TNC: variants seen among roughly 807,000 people sequenced by gnomAD.
The protein encoded by TNC is tenascin C.
TNC carries 109 observed loss-of-function variants against 202.4 expected under a neutral mutation model. The observed-to-expected ratio is 0.54, with a 90% CI of 0.46 to 0.63. The LOEUF is 0.63. Among genes scored for constraint, TNC ranks in the 30% least tolerant of loss-of-function variants. The pLI is 0.00. For synonymous variants in TNC, 1,007 were observed against 1,089.7 expected (o/e 0.92, Z 1.50); for missense variants, 2,756 against 2,833.3 (o/e 0.97, Z 0.62).
At chr9:115,039,400 T>C (rs1279246698) in intron 19 of TNC, among the ~76,000 whole-genome samples, 1 of 152,178 alleles carries the variant, frequency 6.6e-6, no homozygotes, top group Non-Finnish European at 1.5e-5. Context: ...GTTATTAAGA[T>C]CTCTATTAAA....
chr9:115,048,933 C>CT lies in TNC; in HGVS notation c.4580-402dup, dbSNP rs80025706. 1.3e-3 allele frequency among the ~76,000 whole-genome samples: 185 copies of CT among 137,956 alleles called. 1 individual carries two copies. Among genetic ancestry groups the CT allele is most frequent in the Middle Eastern group, 7.9e-3 (2 of 254 alleles). 90.5% of individuals were successfully genotyped at this position (137,956 alleles called of 152,430 possible). ...TGTCTACTTCCCACTGCCTTCAGCT[C>CT]TTTTTTTTTTTTTCGAGTATAATTT... On this transcript the variant is annotated intron_variant, in intron 15 of 27. Transcript: ENST00000350763.
chr9:115,046,404 C>T lies in TNC; in HGVS notation c.5125+6G>A, dbSNP rs146222334. 6.2e-7 allele frequency: 1 copy of T among 1,613,506 alleles called. No homozygotes were observed. Among genetic ancestry groups the T allele is most frequent in the African/African-American group, 1.3e-5 (1 of 74,962 alleles). On this transcript the variant is annotated splice_donor_region_variant and intron_variant, in intron 17 of 27. Coordinates refer to ENST00000350763, the MANE Select transcript of TNC (RefSeq NM_002160.4). ...TTCTCTGTTCTCTCCTGTTTATTTA[C>T]AGTACCTGTTGTTGCTATAGCACTG...
intron 1 of TNC, among the ~76,000 whole-genome samples, chr9:115,113,367 A>T (rs1837223978): frequency 6.6e-6 from 1 of 152,206 alleles, no homozygotes; most frequent in Non-Finnish European, 1.5e-5. Context: ...TCAGCCTTAC[A>T]TTGTGCATAT....
intron 18 of TNC, 92 bp downstream of exon 18, chr9:115,042,127 A>G (rs766879674): frequency 5.1e-5 from 76 of 1,503,454 alleles, no homozygotes; most frequent in Non-Finnish European, 6.5e-5. Context: ...TTTGATCATG[A>G]TGTTAGAGGA....
At chr9:115,070,246 G>C (rs1833363565) in intron 10 of TNC, among the ~76,000 whole-genome samples, 1 of 152,234 alleles carries the variant, frequency 6.6e-6, no homozygotes, top group African/African-American at 2.4e-5. Context: ...CTGGTAGTCA[G>C]AGAAGCCCTC....
chr9:115,030,538 A>C (rs1251479444), intron 23 of TNC, 133 bp from the exon 24 acceptor site: 2 of 1,062,802 alleles, frequency 1.9e-6, no homozygotes, highest in African/African-American at 3.2e-5. Context: ...AACAATTAAA[A>C]ACTCATAGAA....
Position 115,057,331 on chromosome 9 carries a change from G to C in TNC, c.4401C>G (p.Thr1467=). 1 of 1,614,166 alleles carries C rather than the reference G, an allele frequency of 6.2e-7. No homozygotes were observed. The highest frequency in any genetic ancestry group is 8.5e-7 in the Non-Finnish European group (1 of 1,180,028). ...SWMATDGIFE[T]FTIEIIDSNR... Reference sequence around the variant, plus strand: ...TGGAATCAATAATTTCAATGGTAAAGGTCTCGAAGATCCCATCGGTAGCCA... The same window carrying C: ...TGGAATCAATAATTTCAATGGTAAACGTCTCGAAGATCCCATCGGTAGCCA... The change falls in exon 15 of 28, where the codon ACC becomes ACG. Residue 1467 remains threonine, a synonymous_variant. Coordinates refer to ENST00000350763, the MANE Select transcript of TNC (RefSeq NM_002160.4).
intron 25 of TNC, among the ~76,000 whole-genome samples, chr9:115,028,211 C>T (rs1829660969): frequency 6.6e-6 from 1 of 152,166 alleles, no homozygotes; most frequent in South Asian, 2.1e-4. Context: ...ATAAATACCC[C>T]TAAGGAAAAA....
In TNC at chr9:115,028,924, G is replaced by GAAAAAAAAAAA. The variant is rs57737243; in HGVS notation, c.6169+425_6169+435dup. On this transcript the variant is annotated intron_variant, in intron 25 of 27. Coordinates refer to ENST00000350763, the MANE Select transcript of TNC (RefSeq NM_002160.4). ...TACTAAAGCTCTCAACATTATCTCT[G>GAAAAAAAAAAA]AAAAAAAAAAAAAAAAAAAAAAAAA... Among the ~76,000 whole-genome samples, 31 of 63,962 alleles carry GAAAAAAAAAAA rather than the reference G, an allele frequency of 4.8e-4. 4 individuals carry two copies. Among genetic ancestry groups the GAAAAAAAAAAA allele is most frequent in the Middle Eastern group, 0.015 (1 of 66 alleles). The allele number at this position is 63,962 out of a possible 152,430, so 42.0% of individuals were successfully genotyped here.
chr9:115,095,765 T>G (rs1040760476), intron 1 of TNC, among the ~76,000 whole-genome samples: 2 of 147,900 alleles, frequency 1.4e-5, no homozygotes, highest in Admixed American at 1.4e-4. Flanking sequence ...TATAATATTA[T>G]AATATGTGAT....
intron 20 of TNC, 84 bp downstream of exon 20, chr9:115,038,177 G>A (rs1431593512): frequency 2.6e-6 from 4 of 1,530,598 alleles, no homozygotes; most frequent in African/African-American, 2.7e-5. Flanking sequence ...TGTACCAAAT[G>A]TGGCAGGGAG....
intron 11 of TNC, 59 bp downstream of exon 11, chr9:115,064,588 T>C (rs1832797527): frequency 6.5e-7 from 1 of 1,538,878 alleles, no homozygotes; most frequent in African/African-American, 1.4e-5. Flanking sequence ...TGTCTGATTA[T>C]TCATGGGCAG....
chr9:115,063,090 G>A lies in TNC; in HGVS notation c.3860C>T (p.Thr1287Ile), dbSNP rs758473534. 4 of 1,614,170 alleles carry A rather than the reference G, an allele frequency of 2.5e-6. No homozygotes were observed. The South Asian group carries it at 3.3e-5, about 13-fold the overall frequency. The change falls in exon 13 of 28, where the codon ACT (threonine) becomes ATT (isoleucine). Residue 1287 changes from threonine to isoleucine, a missense_variant. Thr to Ile is a moderately conservative substitution (Grantham distance 89). Coordinates refer to ENST00000350763, the MANE Select transcript of TNC (RefSeq NM_002160.4). ...TTPDGTYDQF[T>I]IQVQEADQVE... is the part of the protein sequence containing the mutation. ...CTGGTCAGCCTCCTGGACCTGAATAGTAAACTGGTCATAGGTTCCATCTGG... is the reference window on the plus strand; with the variant it reads ...CTGGTCAGCCTCCTGGACCTGAATAATAAACTGGTCATAGGTTCCATCTGG...
At chr9:115,066,597 C>A (rs1460647411) in intron 10 of TNC, among the ~76,000 whole-genome samples, 2 of 152,196 alleles carry the variant, frequency 1.3e-5, no homozygotes, top group African/African-American at 2.4e-5. Flanking sequence ...TACACTCCTT[C>A]AAATTTTGTT....
chr9:115,102,731 G>C (rs888252508), intron 1 of TNC, among the ~76,000 whole-genome samples: 2 of 152,200 alleles, frequency 1.3e-5, no homozygotes, highest in African/African-American at 2.4e-5. Context: ...CAGTTGGTTT[G>C]CATATGTGCA....
At chr9:115,114,977 G>A (rs374501698) in intron 1 of TNC, 11 of 151,910 alleles carry the variant, frequency 7.2e-5, no homozygotes, top group African/African-American at 2.2e-4. Context: ...CATATATTTC[G>A]AGCCAACTAA....
chr9:115,080,573 A>C lies in TNC; in HGVS notation c.2404+1199T>G, dbSNP rs1482646643. Among the ~76,000 whole-genome samples the C allele has an allele frequency of 4.6e-5, 7 of 152,246 alleles. No homozygotes were observed. In the East Asian group the frequency reaches 1.4e-3, roughly 29 times the overall value. On this transcript the variant is annotated intron_variant, in intron 6 of 27. Coordinates refer to ENST00000350763, the MANE Select transcript of TNC (RefSeq NM_002160.4). ...ATATGTTATCTTGAAGAAAATAAAG[A>C]GGTTTTCCTATATGGAAGTGCAAAA...
rs148223175 is a variant in TNC at position 115,048,438 on chromosome 9, G to A, written c.4674C>T (p.Ser1558=). 160 of 1,614,020 alleles carry A rather than the reference G, an allele frequency of 9.9e-5. No homozygotes were observed. The African/African-American group carries it at 2.0e-3, about 21-fold the overall frequency. The change falls in exon 16 of 28, where the codon AGC becomes AGT. Residue 1558 remains serine (S), a synonymous_variant. Transcript: ENST00000350763. ...CAGAATCCACCACCGTTACTAGAAA[G>A]CTGTCAAAGGCATTCTCCGATGCCA... ...SWMASENAFD[S]FLVTVVDSGK...
chr9:115,059,339 A>C (rs1060545), intron 14 of TNC, among the ~76,000 whole-genome samples: 78,407 of 151,966 alleles, frequency 0.52, 20,966 homozygotes, highest in African/African-American at 0.65. Context: ...AGACTCTCAG[A>C]AGTAAATAAT....
Sources: gnomAD v4.1 joint callset for allele counts (sites outside exome capture counted in the v4.1 genomes callset) on GRCh38, gnomAD v4.1.1 for gene constraint, MANE v1.5 for transcripts, NCBI Gene and HGNC (gene_info 2026-07-23, HGNC 2026-07-21) for gene names.